Variants in TEKT3 observed in about 807,000 individuals in gnomAD.
TEKT3 encodes tektin-3.
Under a neutral mutation model 49.8 loss-of-function variants are expected in TEKT3, and 49 were observed. The ratio of observed to expected loss-of-function variants is 0.98; its 90% CI spans 0.78 to 1.25. The LOEUF is 1.25. Among genes scored for constraint, TEKT3 ranks in the 50% most tolerant of loss-of-function variants. TEKT3 has a pLI of 0.00. For missense variants in TEKT3, 595 were observed against 629.5 expected, an observed-to-expected ratio of 0.95 and a Z score of 0.59; for synonymous variants, 225 against 237.2, an observed-to-expected ratio of 0.95 and a Z score of 0.47.
chr17:15,341,879 C>T (rs946563925), upstream of TEKT3, among the ~76,000 whole-genome samples: 1 of 152,140 alleles, frequency 6.6e-6, no homozygotes, highest in African/African-American at 2.4e-5. Flanking sequence ...GGTGATTTCC[C>T]GACCTCTCCT....
chr17:15,323,904 G>C (rs1030153957), intron 4 of TEKT3, among the ~76,000 whole-genome samples: 1 of 152,154 alleles, frequency 6.6e-6, no homozygotes. Flanking sequence ...TAATGCAGTG[G>C]TTCTTGTTTT....
chr17:15,327,089 C>G (rs1203016696), intron 4 of TEKT3, among the ~76,000 whole-genome samples: 1 of 150,220 alleles, frequency 6.7e-6, no homozygotes, highest in Admixed American at 6.7e-5. Flanking sequence ...TACTGCAGTG[C>G]TATTAAAATA....
chr17:15,329,041 T>C (rs536351186), intron 3 of TEKT3, among the ~76,000 whole-genome samples: 139 of 152,316 alleles, frequency 9.1e-4, no homozygotes, highest in Non-Finnish European at 1.9e-4. Context: ...TTTTGATATG[T>C]ATTACCAAAC....
Position 15,314,169 on chromosome 17 carries a change from G to A in TEKT3, c.796C>T (p.Arg266Trp), listed in dbSNP as rs774941459. ...AGGTGGTGGCATTTGTCGTCGATCC[G>A]GTAAGCCGTCTGTTTGTCACTCAGG... ...KDLSDKQTAY[R>W]IDDKCHHLRN... is the part of the protein sequence containing the mutation. The change falls in exon 6 of 9, where the codon CGG becomes TGG. Residue 266 changes from arginine (R) to tryptophan (W), a missense_variant. Transcript: ENST00000395930. 81 of 1,614,084 alleles carry A rather than the reference G, an allele frequency of 5.0e-5. No homozygotes were observed. The highest frequency in any genetic ancestry group is 3.0e-4 in the South Asian group (27 of 91,086).
intron 4 of TEKT3, among the ~76,000 whole-genome samples, chr17:15,320,243 TCATTTGTTCAC>T (rs1911192879): frequency 6.6e-6 from 1 of 152,208 alleles, no homozygotes; most frequent in Non-Finnish European, 1.5e-5. Flanking sequence ...TTATGAGTAT[TCATTTGTTCAC>T]CATTTGCCTT....
In TEKT3 at chr17:15,331,282, A is replaced by G. The variant is rs756705563; in HGVS notation, c.304T>C (p.Ser102Pro). 2 of 1,614,152 alleles carry G rather than the reference A, an allele frequency of 1.2e-6. No homozygotes were observed. The highest frequency in any genetic ancestry group is 2.2e-5 in the South Asian group (2 of 91,080). Residue 102 changes from serine (S) to proline (P), a missense_variant, in exon 3 of 9, where the codon TCC becomes CCC. Coordinates refer to ENST00000395930, the MANE Select transcript of TEKT3 (RefSeq NM_031898.3). Reference protein sequence around the residue: ...TRYTPDDWYRSNLTNYQESNT... With the variant: ...TRYTPDDWYRPNLTNYQESNT... ...GACTCTTGATAGTTGGTTAAATTGG[A>G]CCTGTACCAGTCATCCGGTGTGTAT...
intron 8 of TEKT3, among the ~76,000 whole-genome samples, chr17:15,306,392 C>T (rs574917235): frequency 2.0e-5 from 3 of 151,958 alleles, no homozygotes; most frequent in Admixed American, 6.6e-5. Context: ...AATCCCCTCC[C>T]CCAATAATAA....
intron 2 of TEKT3, among the ~76,000 whole-genome samples, chr17:15,339,177 G>C (rs1487049231): frequency 6.6e-6 from 1 of 152,110 alleles, no homozygotes; most frequent in Non-Finnish European, 1.5e-5. Flanking sequence ...ATTCACCCCC[G>C]TTGTCTCTGT....
At chr17:15,327,764 T>C (rs1911551244) in intron 4 of TEKT3, 1 of 446,208 alleles carries the variant, frequency 2.2e-6, no homozygotes, top group South Asian at 4.8e-5. Flanking sequence ...TTCTGTCTAA[T>C]AAAGCTTCAA....
intron 2 of TEKT3, among the ~76,000 whole-genome samples, chr17:15,335,956 ATAGCAAAG>A (rs1911963520): frequency 6.6e-6 from 1 of 152,184 alleles, no homozygotes; most frequent in Admixed American, 6.5e-5. Flanking sequence ...CTATGGTGCA[ATAGCAAAG>A]GTTCTAATAT....
At chr17:15,341,852 C>T (rs1222600915), upstream of TEKT3, among the ~76,000 whole-genome samples, 2 of 152,180 alleles carry the variant, frequency 1.3e-5, no homozygotes, top group Non-Finnish European at 2.9e-5. Context: ...TGAAGAGTAG[C>T]CCAAGGGAGA....
chr17:15,335,852 C>T lies in TEKT3; in HGVS notation c.-30+4176G>A, dbSNP rs73982110. On this transcript the variant is annotated intron_variant, in intron 2 of 8. Coordinates refer to ENST00000395930, the MANE Select transcript of TEKT3 (RefSeq NM_031898.3). Reference sequence around the variant, plus strand: ...ATAAAACATACAATATATACTTGCACAACTTCACTACATGAGATTAACAGC... The same window carrying T: ...ATAAAACATACAATATATACTTGCATAACTTCACTACATGAGATTAACAGC... Among the ~76,000 whole-genome samples, 690 of 152,206 alleles carry T rather than the reference C, an allele frequency of 4.5e-3. 7 individuals carry two copies. Among genetic ancestry groups the T allele is most frequent in the African/African-American group, 0.016 (668 of 41,526 alleles).
chr17:15,313,865 T>C lies in TEKT3; in HGVS notation c.878+222A>G, dbSNP rs375654619. ...TAGGGTTATTTTCATAGTTAGAAAA[T>C]ATAAGTAACAAATATTACTTTACAA... On this transcript the variant is annotated intron_variant, in intron 6 of 8. Transcript: ENST00000395930. 3.3e-5 allele frequency among the ~76,000 whole-genome samples: 5 copies of C among 152,304 alleles called. No homozygotes were observed. In the South Asian group the frequency reaches 8.3e-4, roughly 25 times the overall value.
chr17:15,311,864 G>A (rs1910784323), intron 7 of TEKT3, among the ~76,000 whole-genome samples: 1 of 152,092 alleles, frequency 6.6e-6, no homozygotes, highest in East Asian at 1.9e-4. Flanking sequence ...ACAGTTTCCT[G>A]TATTTGGTTT....
At chr17:15,341,115 C>G (rs1309198842) in intron 1 of TEKT3, among the ~76,000 whole-genome samples, 10 of 152,206 alleles carry the variant, frequency 6.6e-5, no homozygotes, top group Admixed American at 3.9e-4. Flanking sequence ...GGCTGCAGAT[C>G]TGAAGGCTCG....
At chr17:15,327,142 A>G (rs1301203883) in intron 4 of TEKT3, among the ~76,000 whole-genome samples, 2 of 150,230 alleles carry the variant, frequency 1.3e-5, no homozygotes, top group Non-Finnish European at 2.9e-5. Context: ...TAACTATATA[A>G]GAGATGATTG....
At chr17:15,343,012 G>A (rs1912280864), upstream of TEKT3, among the ~76,000 whole-genome samples, 1 of 152,202 alleles carries the variant, frequency 6.6e-6, no homozygotes. Flanking sequence ...CTTTGCAGAT[G>A]CCTAGAATCC....
chr17:15,309,019 C>G (rs1351860460), intron 7 of TEKT3, among the ~76,000 whole-genome samples: 1 of 152,164 alleles, frequency 6.6e-6, no homozygotes, highest in African/African-American at 2.4e-5. Flanking sequence ...TGCACCTGCT[C>G]TGGAGAGTGG....
At chr17:15,319,050 A>G (rs1911138232) in intron 5 of TEKT3, 27 bp downstream of exon 5, 21 of 1,560,702 alleles carry the variant, frequency 1.3e-5, no homozygotes, top group Non-Finnish European at 1.8e-5. Context: ...ATAGATTTTG[A>G]ATTGTATAGA....
Sources: allele counts gnomAD v4.1 joint callset (sites outside exome capture counted in the v4.1 genomes callset), GRCh38; gene constraint gnomAD v4.1.1; transcripts MANE v1.5; gene names NCBI Gene and HGNC (gene_info 2026-07-23, HGNC 2026-07-21).